Variants in OPCML observed in about 807,000 individuals in gnomAD.
OPCML encodes the protein opioid binding protein/cell adhesion molecule like.
In OPCML, 13 loss-of-function variants were observed where a neutral mutation model predicts 37.8. The ratio of observed to expected loss-of-function variants is 0.34; its 90% CI spans 0.22 to 0.55. The LOEUF is 0.55. Among genes scored for constraint, OPCML ranks in the 20% least tolerant of loss-of-function variants. OPCML has a pLI of 0.91. For synonymous variants in OPCML, 176 were observed against 168.8 expected, an observed-to-expected ratio of 1.04 and a Z score of -0.33; for missense variants, 341 against 435.6, an observed-to-expected ratio of 0.78 and a Z score of 1.93.
At chr11:133,285,920 A>G (rs1266717068) in intron 1 of OPCML, among the ~76,000 whole-genome samples, 1 of 152,200 alleles carries the variant, frequency 6.6e-6, no homozygotes, top group Non-Finnish European at 1.5e-5. Flanking sequence ...GATTCATTGG[A>G]AAGACATAAA....
At chr11:133,404,930 T>A (rs894285870) in intron 1 of OPCML, among the ~76,000 whole-genome samples, 1 of 152,348 alleles carries the variant, frequency 6.6e-6, no homozygotes, top group Admixed American at 6.5e-5. Flanking sequence ...GTAGAAATTA[T>A]GGGAATCATA....
intron 1 of OPCML, among the ~76,000 whole-genome samples, chr11:133,328,378 G>A (rs1291394961): frequency 2.0e-5 from 3 of 152,004 alleles, no homozygotes; most frequent in Non-Finnish European, 4.4e-5. Flanking sequence ...GCGTGGTCTC[G>A]AACTCCTGAC....
At chr11:133,055,441 C>T (rs944005446) in intron 1 of OPCML, among the ~76,000 whole-genome samples, 1 of 149,348 alleles carries the variant, frequency 6.7e-6, no homozygotes, top group Non-Finnish European at 1.5e-5. Flanking sequence ...TATGATACTT[C>T]CAAGTGGTGA....
At chr11:132,952,456 G>A (rs866749949) in intron 1 of OPCML, among the ~76,000 whole-genome samples, 30 of 152,244 alleles carry the variant, frequency 2.0e-4, no homozygotes, top group Middle Eastern at 3.4e-3. Context: ...GTGGAACCTC[G>A]CTTCTCATTC....
At chr11:132,564,377 A>G (rs888147186) in intron 3 of OPCML, among the ~76,000 whole-genome samples, 1 of 151,906 alleles carries the variant, frequency 6.6e-6, no homozygotes, top group Admixed American at 6.6e-5. Flanking sequence ...CTTTAACATC[A>G]CTCTACAAGA....
At chr11:132,615,588 G>A (rs1221575670) in intron 3 of OPCML, among the ~76,000 whole-genome samples, 1 of 151,978 alleles carries the variant, frequency 6.6e-6, no homozygotes, top group Non-Finnish European at 1.5e-5. Flanking sequence ...ACATTTATTA[G>A]GTATTATAAG....
At chr11:132,726,845 C>A (rs1944903606) in intron 2 of OPCML, among the ~76,000 whole-genome samples, 1 of 152,164 alleles carries the variant, frequency 6.6e-6, no homozygotes, top group Non-Finnish European at 1.5e-5. Context: ...GACATGGTTC[C>A]ATGTGCCTGA....
At chr11:133,418,657 A>C (rs1945817485) in intron 1 of OPCML, 1 of 168,478 alleles carries the variant, frequency 5.9e-6, no homozygotes, top group Admixed American at 6.5e-5. Context: ...CCTTAAAGTA[A>C]GGTTGATAAT....
At chr11:132,902,083 T>C (rs571029962) in intron 2 of OPCML, among the ~76,000 whole-genome samples, 1 of 152,340 alleles carries the variant, frequency 6.6e-6, no homozygotes, top group South Asian at 2.1e-4. Context: ...TGTTAATTTC[T>C]GATGAAAAAC....
chr11:132,972,420 G>A (rs957907920), intron 1 of OPCML, among the ~76,000 whole-genome samples: 1 of 152,224 alleles, frequency 6.6e-6, no homozygotes, highest in African/African-American at 2.4e-5. Context: ...TTGTCTGAAA[G>A]CAACAGGCAA....
intron 1 of OPCML, among the ~76,000 whole-genome samples, chr11:133,304,901 A>G (rs1464316874): frequency 6.6e-6 from 1 of 152,216 alleles, no homozygotes; most frequent in African/African-American, 2.4e-5. Flanking sequence ...TTCATTCACA[A>G]CAATTTGCTG....
At position 132,992,527 on chromosome 11, in the gene OPCML, G is replaced by A. The variant is rs117769783; in HGVS notation, c.62-49517C>T. 4.2e-3 allele frequency among the ~76,000 whole-genome samples: 632 copies of A among 151,936 alleles called. 2 individuals are homozygous for A. Among genetic ancestry groups the A allele is most frequent in the Non-Finnish European group, 5.1e-3 (344 of 67,988 alleles). On this transcript the variant is annotated intron_variant, in intron 1 of 7. Coordinates refer to ENST00000524381, the MANE Select transcript of OPCML (RefSeq NM_001012393.5). ...TTTGCCAAGCAGTGTTTTAAGCATC[G>A]AGGGTGCGACGGAACAAAAACAGAA...
chr11:132,453,798 G>A (rs1026217005), intron 4 of OPCML, among the ~76,000 whole-genome samples: 1 of 152,194 alleles, frequency 6.6e-6, no homozygotes, highest in Non-Finnish European at 1.5e-5. Context: ...AACTGGGATG[G>A]CACAGAGGGT....
intron 1 of OPCML, among the ~76,000 whole-genome samples, chr11:133,528,362 G>A (rs958509560): frequency 6.6e-6 from 1 of 152,236 alleles, no homozygotes; most frequent in African/African-American, 2.4e-5. Context: ...AAAGGACGAT[G>A]GGAACTTGCT....
rs921007371 is a variant in OPCML, at chr11:133,024,458, T to C, written c.62-81448A>G. ...CACACACAGGAAGAAGAGAAGCAGCTGCTCACACAGCAGAGGGGCAGGTTT... is the reference window on the plus strand; with the variant it reads ...CACACACAGGAAGAAGAGAAGCAGCCGCTCACACAGCAGAGGGGCAGGTTT... On this transcript the variant is annotated intron_variant, in intron 1 of 7. Coordinates refer to ENST00000524381, the MANE Select transcript of OPCML (RefSeq NM_001012393.5). 5.1e-5 allele frequency: 50 copies of C among 984,758 alleles called. No homozygotes were observed. In the Middle Eastern group the frequency reaches 2.1e-3, roughly 41 times the overall value. The allele number at this position is 984,758 out of a possible 1,614,324, so 61.0% of individuals were successfully genotyped here.
At chr11:133,029,429 T>C (rs1392540822) in intron 1 of OPCML, among the ~76,000 whole-genome samples, 1 of 152,204 alleles carries the variant, frequency 6.6e-6, no homozygotes, top group Non-Finnish European at 1.5e-5. Flanking sequence ...TGTATGTTCA[T>C]CACAACATTC....
chr11:132,943,158 C>T lies in OPCML; in HGVS notation c.62-148G>A, dbSNP rs1945643367. 1 of 1,601,254 alleles carries T rather than the reference C, an allele frequency of 6.2e-7. No homozygotes were observed. Among genetic ancestry groups the T allele is most frequent in the Non-Finnish European group, 8.5e-7 (1 of 1,170,330 alleles). ...AGTCCTGGTCCCCCGCCCCGCGCAC[C>T]AGCGGGCTCGGGAAGCGGTGCGGGG... On this transcript the variant is annotated intron_variant, in intron 1 of 7. Coordinates refer to ENST00000524381, the MANE Select transcript of OPCML (RefSeq NM_001012393.5). This position sits in a 1 kb window ranked among gnomAD's most constrained non-coding sequence, Gnocchi z 4.3.
At chr11:132,588,251 T>A (rs1037816129) in intron 3 of OPCML, among the ~76,000 whole-genome samples, 2 of 151,978 alleles carry the variant, frequency 1.3e-5, no homozygotes, top group Non-Finnish European at 2.9e-5. Context: ...CCGGTTTTAA[T>A]AGTAAATGGA....
rs1471386194 is a variant in OPCML at position 132,462,219 on chromosome 11, C to T, written c.506-24860G>A. On this transcript the variant is annotated intron_variant, in intron 4 of 7. Coordinates refer to ENST00000524381, the MANE Select transcript of OPCML (RefSeq NM_001012393.5). The stretch of plus-strand genomic sequence containing the variant: ...TGGGAAGAATCCCCCCACCGCACCG[C>T]CCCCGCCACACACACACTTTTTGGT... Among the ~76,000 whole-genome samples, 6 of 152,128 alleles carry T rather than the reference C, an allele frequency of 3.9e-5. 1 individual carries two copies. The highest frequency in any genetic ancestry group is 1.4e-4 in the African/African-American group (6 of 41,432).
Sources: allele counts gnomAD v4.1 joint callset (sites outside exome capture counted in the v4.1 genomes callset), GRCh38; gene constraint gnomAD v4.1.1; non-coding constraint Gnocchi (gnomAD v3.1); transcripts MANE v1.5; gene names NCBI Gene and HGNC (gene_info 2026-07-23, HGNC 2026-07-21).